Variants in PTPN3 observed in about 807,000 individuals in gnomAD.
The protein encoded by PTPN3 is tyrosine-protein phosphatase non-receptor type 3.
In PTPN3, 96 loss-of-function variants were observed where a neutral mutation model predicts 132.7. The ratio of observed to expected loss-of-function variants is 0.72; its 90% CI spans 0.61 to 0.86. PTPN3 has a LOEUF of 0.86. PTPN3 is among the 40% of genes least tolerant of loss of function. The pLI, the probability that PTPN3 is intolerant of heterozygous loss-of-function variation, is 0.00. For missense variants in PTPN3, 1,125 were observed against 1,159.6 expected (o/e 0.97, Z 0.43); for synonymous variants, 398 against 429.0 (o/e 0.93, Z 0.89).
the PTPN3 span, chr9:109,532,869 A>ATAC: frequency 8.8e-7 from 1 of 1,132,444 alleles, no homozygotes; most frequent in Non-Finnish European, 1.2e-6. Context: ...GAGCGGACTA[A>ATAC]TTCTCAATTA....
chr9:109,521,653 A>G, the PTPN3 span, among the ~76,000 whole-genome samples: 1 of 152,138 alleles, frequency 6.6e-6, no homozygotes, highest in East Asian at 1.9e-4. Context: ...GCTTCCTCAC[A>G]TCCTGAGGTT....
rs1260943400 is a variant in PTPN3 at position 109,481,081 on chromosome 9, C to T, written c.-18+17138G>A. ...ATTAAGAATTAAATATCAACAACGG[C>T]ATTTACACACTCCTAATATTAACCT... On this transcript the variant is annotated intron_variant, in intron 1 of 25. Coordinates refer to ENST00000374541, the MANE Select transcript of PTPN3 (RefSeq NM_002829.4). Among the ~76,000 whole-genome samples, 8 of 152,276 alleles carry T rather than the reference C, an allele frequency of 5.3e-5. No individual in the cohort carries two copies. In the East Asian group the frequency reaches 1.5e-3, roughly 29 times the overall value.
intron 1 of PTPN3, among the ~76,000 whole-genome samples, chr9:109,481,866 C>T (rs1485674777): frequency 2.6e-5 from 4 of 152,194 alleles, no homozygotes; most frequent in Admixed American, 6.5e-5. Flanking sequence ...CAGAGGCACC[C>T]AAGTTTACTT....
At chr9:109,519,599 C>A in the PTPN3 span, among the ~76,000 whole-genome samples, 1 of 152,144 alleles carries the variant, frequency 6.6e-6, no homozygotes, top group Non-Finnish European at 1.5e-5. Context: ...GACATGGTAG[C>A]GTTGGGACTT....
intron 1 of PTPN3, among the ~76,000 whole-genome samples, chr9:109,480,132 T>C (rs1846890821): frequency 1.3e-5 from 2 of 152,136 alleles, no homozygotes; most frequent in Non-Finnish European, 2.9e-5. Context: ...TTTAGAGAAA[T>C]GTCTATTCAA....
At chr9:109,383,595 G>T in intron 22 of PTPN3, 44 bp from the exon 23 acceptor site, 1 of 1,603,320 alleles carries the variant, frequency 6.2e-7, no homozygotes. Flanking sequence ...TCTGTGGGGT[G>T]TTCCTGCAAG....
chr9:109,380,214 A>AATCAATCTATCT (rs376388495), intron 25 of PTPN3, among the ~76,000 whole-genome samples: 41 of 145,900 alleles, frequency 2.8e-4, no homozygotes, highest in African/African-American at 9.9e-4. Context: ...CAGCTAGGAA[A>AATCAATCTATCT]ATCTATCTAT....
At chr9:109,385,618 T>G (rs1839516430) in intron 22 of PTPN3, among the ~76,000 whole-genome samples, 1 of 152,230 alleles carries the variant, frequency 6.6e-6, no homozygotes, top group Non-Finnish European at 1.5e-5. Context: ...TTAGCCAGGC[T>G]GGTAATACTC....
At chr9:109,407,493 AT>A (rs1429868239) in intron 17 of PTPN3, among the ~76,000 whole-genome samples, 1 of 152,238 alleles carries the variant, frequency 6.6e-6, no homozygotes, top group Admixed American at 6.5e-5. Flanking sequence ...AGTATGCACA[AT>A]AAAAAAATTA....
chr9:109,421,255 A>G (rs1017108407), intron 13 of PTPN3, among the ~76,000 whole-genome samples: 46 of 152,038 alleles, frequency 3.0e-4, no homozygotes, highest in African/African-American at 1.0e-3. Flanking sequence ...AATGAATCCA[A>G]TGAGGCCGTG....
intron 1 of PTPN3, among the ~76,000 whole-genome samples, chr9:109,470,128 A>C (rs1464810345): frequency 6.6e-6 from 1 of 152,036 alleles, no homozygotes; most frequent in Non-Finnish European, 1.5e-5. Flanking sequence ...AAGTACATGT[A>C]CTATCAGCCA....
In PTPN3 at chr9:109,445,213, C is replaced by A. The variant is rs368798272; in HGVS notation, c.466+27G>T. 2.2e-5 allele frequency: 36 copies of A among 1,604,212 alleles called. No individual in the cohort carries two copies. The African/African-American group carries it at 4.3e-4, about 19-fold the overall frequency. ...ACACTGATCAGAACAACCTGTCCAT[C>A]CGTGAAATGCTCCCTTTGTGACTTA... On this transcript the variant is annotated intron_variant, in intron 7 of 25. Transcript: ENST00000374541.
chr9:109,531,165 C>T, the PTPN3 span, among the ~76,000 whole-genome samples: 14 of 152,168 alleles, frequency 9.2e-5, no homozygotes, highest in African/African-American at 3.4e-4. Flanking sequence ...TGAAGCTTTT[C>T]TCCAAAGTTT....
intron 6 of PTPN3, among the ~76,000 whole-genome samples, chr9:109,446,650 G>A (rs1844880335): frequency 6.6e-6 from 1 of 152,184 alleles, no homozygotes; most frequent in Non-Finnish European, 1.5e-5. Context: ...GGAGGTGAAT[G>A]GGATTTGGGG....
intron 1 of PTPN3, among the ~76,000 whole-genome samples, chr9:109,478,534 AG>A (rs753058297): frequency 5.3e-5 from 8 of 152,328 alleles, no homozygotes; most frequent in Non-Finnish European, 8.8e-5. Context: ...ACCAATGCCA[AG>A]GAAGTGGGGG....
intron 1 of PTPN3, among the ~76,000 whole-genome samples, chr9:109,468,550 T>C (rs1846216544): frequency 6.6e-6 from 1 of 151,970 alleles, no homozygotes; most frequent in Admixed American, 6.6e-5. Flanking sequence ...GTATTTTTAG[T>C]AGAGACAGGG....
Position 109,449,286 on chromosome 9 carries a change from C to T in PTPN3, c.369-431G>A, listed in dbSNP as rs77236290. 875 of 991,980 alleles carry T rather than the reference C, an allele frequency of 8.8e-4. 9 individuals carry two copies. In the African/African-American group the frequency reaches 0.014, roughly 16 times the overall value. The allele number at this position is 991,980 out of a possible 1,614,324, so 61.4% of individuals were successfully genotyped here. A position where few individuals can be genotyped will look rare whatever the true frequency, so the allele number is the denominator to read the frequency against. On this transcript the variant is annotated intron_variant, in intron 5 of 25. Transcript: ENST00000374541. Reference sequence around the variant, plus strand: ...AACACTGTGCCAGGATCCATCCACCCAAGCTCCATCTGCATGAAGTTGCTA... The same window carrying T: ...AACACTGTGCCAGGATCCATCCACCTAAGCTCCATCTGCATGAAGTTGCTA...
At chr9:109,383,336 C>T (rs1839276100) in intron 23 of PTPN3, 87 bp downstream of exon 23, 2 of 1,605,226 alleles carry the variant, frequency 1.2e-6, no homozygotes, top group South Asian at 1.1e-5. Flanking sequence ...AAACAGAGTG[C>T]ACACCTAGAA....
chr9:109,450,829 A>C, intron 5 of PTPN3: 1 of 985,470 alleles, frequency 1.0e-6, no homozygotes. Flanking sequence ...TGTGACCTCA[A>C]CTTCAGAAAA....
Sources: gnomAD v4.1 joint callset for allele counts (sites outside exome capture counted in the v4.1 genomes callset) on GRCh38, gnomAD v4.1.1 for gene constraint, MANE v1.5 for transcripts, NCBI Gene and HGNC (gene_info 2026-07-23, HGNC 2026-07-21) for gene names.